C2CD2: variants seen among roughly 807,000 people sequenced by gnomAD.
The protein encoded by C2CD2 is C2 domain-containing protein 2.
In C2CD2, 43 loss-of-function variants were observed where a neutral mutation model predicts 74.3. The observed-to-expected ratio is 0.58, with a 90% confidence interval of 0.45 to 0.75. C2CD2 has a LOEUF of 0.75. C2CD2 is among the 30% of genes least tolerant of loss of function. The pLI, the probability that C2CD2 is intolerant of heterozygous loss-of-function variation, is 0.00. For synonymous variants in C2CD2, 422 were observed against 390.7 expected, an observed-to-expected ratio of 1.08 and a Z score of -0.94; for missense variants, 801 against 916.3, an observed-to-expected ratio of 0.87 and a Z score of 1.63.
intron 11 of C2CD2, among the ~76,000 whole-genome samples, chr21:41,904,308 A>G (rs1010641978): frequency 1.6e-5 from 2 of 123,362 alleles, no homozygotes; most frequent in Admixed American, 1.6e-4. Context: ...AGGAATGCTC[A>G]GTTCTGAGAA....
intron 2 of C2CD2, among the ~76,000 whole-genome samples, chr21:41,941,231 C>T (rs543669704): frequency 2.6e-5 from 4 of 152,222 alleles, no homozygotes; most frequent in East Asian, 3.9e-4. Flanking sequence ...CACGGTGACA[C>T]GTGCCTGTAG....
Position 41,892,268 on chromosome 21 carries a change from C to A in C2CD2, c.1871-2924G>T, listed in dbSNP as rs192237265. 6.0e-4 allele frequency among the ~76,000 whole-genome samples: 91 copies of A among 152,274 alleles called. No individual in the cohort carries two copies. The highest frequency in any genetic ancestry group is 2.0e-3 in the African/African-American group (85 of 41,548). On this transcript the variant is annotated intron_variant, in intron 13 of 13. Coordinates refer to ENST00000380486, the MANE Select transcript of C2CD2 (RefSeq NM_015500.2). This position sits in a 1 kb window ranked among gnomAD's most constrained non-coding sequence, Gnocchi z 4.6. ...CAAGCCAAGGAACACCAAAGGTTGT[C>A]AGCAGCTGTCAGGAGCTGGAGAGGC... is the stretch of plus-strand genomic sequence containing the variant.
intron 5 of C2CD2, among the ~76,000 whole-genome samples, chr21:41,916,384 C>A (rs527730286): frequency 6.6e-6 from 1 of 151,722 alleles, no homozygotes; most frequent in South Asian, 2.1e-4. Context: ...TCATCCAGTC[C>A]GTTGGAGGCG....
chr21:41,896,094 AG>A (rs1462360550), intron 13 of C2CD2, among the ~76,000 whole-genome samples: 1 of 152,184 alleles, frequency 6.6e-6, no homozygotes, highest in Non-Finnish European at 1.5e-5. Context: ...AGGAGGGTAA[AG>A]GCGGAGTTGG....
rs917142558 is a variant in C2CD2, at chr21:41,886,299, C to T, written c.*2825G>A. 7 of 152,344 alleles carry T rather than the reference C, an allele frequency of 4.6e-5. No individual in the cohort carries two copies. Among genetic ancestry groups the T allele is most frequent in the South Asian group, 2.1e-4 (1 of 4,834 alleles). 9.4% of individuals were successfully genotyped at this position (152,344 alleles called of 1,614,324 possible). On this transcript the variant is annotated 3_prime_UTR_variant, in exon 14 of 14. Coordinates refer to ENST00000380486, the MANE Select transcript of C2CD2 (RefSeq NM_015500.2). ...GAGGTGAGGCGATAAAGGTGATTTA[C>T]ACATCAGTATTTTTAGCATTTGGTG...
In C2CD2 at chr21:41,939,784, G is replaced by A. The variant is rs1229090808; in HGVS notation, c.378+2363C>T. ...GGAAGGAGAGCTCTCCTATGCTGCT[G>A]GGGCAGAGAAAACCGGGAACAGCAC... is the stretch of plus-strand genomic sequence containing the variant. On this transcript the variant is annotated intron_variant, in intron 2 of 13. Coordinates refer to ENST00000380486, the MANE Select transcript of C2CD2 (RefSeq NM_015500.2). The surrounding 1 kb of genome is among the most constrained non-coding windows in gnomAD (Gnocchi z 5.5). 6.6e-6 allele frequency among the ~76,000 whole-genome samples: 1 copy of A among 152,224 alleles called. No homozygotes were observed. Among genetic ancestry groups the A allele is most frequent in the Non-Finnish European group, 1.5e-5 (1 of 68,056 alleles).
intron 1 of C2CD2, among the ~76,000 whole-genome samples, chr21:41,950,676 G>A (rs1048073619): frequency 2.6e-5 from 4 of 152,312 alleles, no homozygotes; most frequent in African/African-American, 7.2e-5. Context: ...CCACCAATGC[G>A]CAGACCTTGG....
Position 41,892,497 on chromosome 21 carries a change from C to T in C2CD2, c.1871-3153G>A, listed in dbSNP as rs1048580421. Among the ~76,000 whole-genome samples the T allele has an allele frequency of 5.3e-5, 8 of 152,170 alleles. No homozygotes were observed. The highest frequency in any genetic ancestry group is 8.8e-5 in the Non-Finnish European group (6 of 68,026). ...CGTCCACCATGTCTTCCTGTTCAGT[C>T]CTTAGAACCCAGGCAGCAACATGGA... On this transcript the variant is annotated intron_variant, in intron 13 of 13. Coordinates refer to ENST00000380486, the MANE Select transcript of C2CD2 (RefSeq NM_015500.2). The surrounding 1 kb of genome is among the most constrained non-coding windows in gnomAD (Gnocchi z 4.6).
intron 6 of C2CD2, among the ~76,000 whole-genome samples, chr21:41,912,797 A>G (rs2065043681): frequency 6.6e-6 from 1 of 152,120 alleles, no homozygotes; most frequent in Non-Finnish European, 1.5e-5. Context: ...CATTATTTTT[A>G]TTTTTTAAAT....
At chr21:41,933,500 G>A (rs1412131723) in intron 2 of C2CD2, among the ~76,000 whole-genome samples, 2 of 152,232 alleles carry the variant, frequency 1.3e-5, no homozygotes. Flanking sequence ...ACATTAAGCA[G>A]TGTCTCACCC....
chr21:41,935,166 A>G (rs1223084050), intron 2 of C2CD2, among the ~76,000 whole-genome samples: 2 of 152,208 alleles, frequency 1.3e-5, no homozygotes, highest in Admixed American at 1.3e-4. Flanking sequence ...CTGGGATTAC[A>G]GGTATGAGCC....
At chr21:41,907,542 T>G (rs2064977315) in intron 9 of C2CD2, 118 bp downstream of exon 9, 3 of 1,095,110 alleles carry the variant, frequency 2.7e-6, no homozygotes, top group Non-Finnish European at 3.9e-6. Flanking sequence ...CATCTCCTCT[T>G]GGAGGAGGTC....
At chr21:41,905,687 G>A (rs761844301) in intron 11 of C2CD2, 37 bp downstream of exon 11, 1 of 1,092,602 alleles carries the variant, frequency 9.2e-7, no homozygotes, top group Non-Finnish European at 1.4e-6. Flanking sequence ...GCCCAAAGGT[G>A]CTAAGAGGGA....
At chr21:41,922,163 CTTTT>C (rs955053390) in intron 2 of C2CD2, 78 bp from the exon 3 acceptor site, 9 of 656,194 alleles carry the variant, frequency 1.4e-5, no homozygotes, top group African/African-American at 3.8e-5. Flanking sequence ...TCTTCTTCTT[CTTTT>C]TTTTTTTTTG....
At chr21:41,905,310 CTT>C (rs137969894) in intron 11 of C2CD2, among the ~76,000 whole-genome samples, 63,302 of 124,298 alleles carry the variant, frequency 0.51, 16,362 homozygotes, top group South Asian at 0.65. Flanking sequence ...CAAATCAAAA[CTT>C]TTTTTTTTTT....
chr21:41,942,906 TG>T, intron 1 of C2CD2: 2 of 963,196 alleles, frequency 2.1e-6, no homozygotes, highest in Non-Finnish European at 2.5e-6. Flanking sequence ...TGGAGCCACC[TG>T]GCCCCAAGGT....
At chr21:41,938,022 C>T (rs768769736) in intron 2 of C2CD2, among the ~76,000 whole-genome samples, 8 of 152,038 alleles carry the variant, frequency 5.3e-5, no homozygotes, top group Admixed American at 1.3e-4. Flanking sequence ...GTTCAAGAGA[C>T]CTATTGCATA....
intron 2 of C2CD2, among the ~76,000 whole-genome samples, chr21:41,935,037 G>A (rs1246991018): frequency 7.2e-5 from 11 of 152,052 alleles, no homozygotes; most frequent in African/African-American, 2.7e-4. Flanking sequence ...GATTACAGGC[G>A]TGCACCACCA....
At chr21:41,943,499 C>T (rs1487549946) in intron 1 of C2CD2, among the ~76,000 whole-genome samples, 1 of 152,180 alleles carries the variant, frequency 6.6e-6, no homozygotes, top group Admixed American at 6.5e-5. Flanking sequence ...CTGTTCCTGA[C>T]ATGCTGTAGA....
Sources: gnomAD v4.1 joint callset for allele counts (sites outside exome capture counted in the v4.1 genomes callset) on GRCh38, gnomAD v4.1.1 for gene constraint, Gnocchi (gnomAD v3.1) non-coding constraint, MANE v1.5 for transcripts, NCBI Gene and HGNC (gene_info 2026-07-23, HGNC 2026-07-21) for gene names.